PRKAR1A: variants seen among roughly 807,000 people sequenced by gnomAD.
The protein encoded by PRKAR1A is cAMP-dependent protein kinase type I-alpha regulatory subunit.
In PRKAR1A, 3 loss-of-function variants were observed where a neutral mutation model predicts 52.0. The ratio of observed to expected loss-of-function variants is 0.06; its 90% confidence interval spans 0.03 to 0.15. PRKAR1A has a LOEUF of 0.15. PRKAR1A is among the 10% of genes least tolerant of loss of function. PRKAR1A has a pLI of 1.00. For synonymous variants in PRKAR1A, 188 were observed against 168.4 expected (o/e 1.12, Z -0.90); for missense variants, 240 against 477.4 (o/e 0.50, Z 4.63).
chr17:68,432,290 C>T, the PRKAR1A span, among the ~76,000 whole-genome samples: 44,069 of 152,014 alleles, frequency 0.29, 6,750 homozygotes, highest in Middle Eastern at 0.36. Flanking sequence ...GCTCAGGTGA[C>T]CTCAGGCAGC....
At chr17:68,544,625 C>CA (rs2086464037) in intron 11 of PRKAR1A, among the ~76,000 whole-genome samples, 1 of 152,038 alleles carries the variant, frequency 6.6e-6, no homozygotes, top group Admixed American at 6.5e-5. Context: ...TGCATTTTGC[C>CA]AAAAAACACG....
chr17:68,420,234 A>G, the PRKAR1A span: 2 of 1,614,182 alleles, frequency 1.2e-6, no homozygotes, highest in East Asian at 2.2e-5. Flanking sequence ...GAGCTGCAGC[A>G]TAAGTTTCCT....
the PRKAR1A span, among the ~76,000 whole-genome samples, chr17:68,435,918 C>T: frequency 2.6e-5 from 4 of 152,252 alleles, no homozygotes; most frequent in Non-Finnish European, 4.4e-5. Flanking sequence ...ATTTCCATCC[C>T]TTTTCCTGCC....
chr17:68,526,926 C>CA (rs1033967532), intron 7 of PRKAR1A, among the ~76,000 whole-genome samples: 6 of 152,082 alleles, frequency 3.9e-5, no homozygotes, highest in African/African-American at 1.2e-4. Context: ...CCCACACACA[C>CA]AAAAAAACGC....
At chr17:68,457,367 A>T in the PRKAR1A span, 1 of 1,542,470 alleles carries the variant, frequency 6.5e-7, no homozygotes, top group Non-Finnish European at 8.7e-7. Context: ...AAAGAGAAGC[A>T]GCTGAGCGCC....
In PRKAR1A at chr17:68,524,937, G is replaced by A. The variant is rs752927621; in HGVS notation, c.528G>A (p.Val176=). ...GTGATGAAGGGGATAACTTCTATGT[G>A]ATTGATCAAGGAGAGACGGATGTAA... ...QQGDEGDNFY[V]IDQGETDVYV... is the part of the protein sequence containing the mutation. The change falls in exon 6 of 11, where the codon GTG becomes GTA. Residue 176 remains valine (V), a synonymous_variant. Transcript: ENST00000589228. 6.2e-7 allele frequency: 1 copy of A among 1,610,152 alleles called. No homozygotes were observed. The highest frequency in any genetic ancestry group is 2.2e-5 in the East Asian group (1 of 44,814).
At chr17:68,424,384 G>A in the PRKAR1A span, 2 of 525,794 alleles carry the variant, frequency 3.8e-6, no homozygotes, top group Non-Finnish European at 7.8e-6. Context: ...TAAGCCAAAT[G>A]TGCTCACTAG....
intron 1 of PRKAR1A, among the ~76,000 whole-genome samples, chr17:68,513,781 G>A (rs1157954843): frequency 1.3e-5 from 2 of 152,100 alleles, no homozygotes; most frequent in Non-Finnish European, 2.9e-5. Flanking sequence ...TTTGGTTTTC[G>A]TAATACATTA....
chr17:68,525,634 T>C (rs1470811061), intron 6 of PRKAR1A, 120 bp from the exon 7 acceptor site: 7 of 1,099,132 alleles, frequency 6.4e-6, no homozygotes, highest in African/African-American at 1.6e-5. Flanking sequence ...GCAAACATAA[T>C]ATATTCTGTT....
At chr17:68,510,757 A>T (rs1252251347), upstream of PRKAR1A, among the ~76,000 whole-genome samples, 1 of 152,202 alleles carries the variant, frequency 6.6e-6, no homozygotes, top group Non-Finnish European at 1.5e-5. Flanking sequence ...CAGTGAAAGG[A>T]GAAACTTCCC....
the PRKAR1A span, among the ~76,000 whole-genome samples, chr17:68,433,027 C>A: frequency 6.6e-6 from 1 of 152,168 alleles, no homozygotes; most frequent in Non-Finnish European, 1.5e-5. Context: ...GCTTCCCAAG[C>A]GCTCAGTGGT....
At chr17:68,488,457 G>A in the PRKAR1A span, among the ~76,000 whole-genome samples, 1 of 152,100 alleles carries the variant, frequency 6.6e-6, no homozygotes, top group Non-Finnish European at 1.5e-5. Flanking sequence ...GCTGGGTGCA[G>A]TGGCTCATGC....
At chr17:68,550,350 CA>C (rs1160409727) in intron 11 of PRKAR1A, among the ~76,000 whole-genome samples, 13 of 131,496 alleles carry the variant, frequency 9.9e-5, no homozygotes, top group African/African-American at 3.6e-4. Flanking sequence ...GGATCTTTCA[CA>C]TAGGAAAAAT....
the PRKAR1A span, chr17:68,450,712 G>A: frequency 6.3e-7 from 1 of 1,599,488 alleles, no homozygotes; most frequent in Non-Finnish European, 8.5e-7. Flanking sequence ...AAACCCTGAG[G>A]GATTTCCCCA....
the PRKAR1A span, among the ~76,000 whole-genome samples, chr17:68,470,375 C>T: frequency 1.3e-5 from 2 of 152,152 alleles, no homozygotes; most frequent in Non-Finnish European, 2.9e-5. Flanking sequence ...CCACCGTGCC[C>T]GGCCCATCTT....
chr17:68,429,112 T>C, the PRKAR1A span, among the ~76,000 whole-genome samples: 11 of 152,248 alleles, frequency 7.2e-5, no homozygotes, highest in Admixed American at 4.6e-4. Flanking sequence ...CCTTGGGATC[T>C]ACTTTCAGGA....
rs1054486568 is a variant in PRKAR1A, at chr17:68,532,378, T to G, written c.*1929T>G. The G allele has an allele frequency of 2.8e-5, 30 of 1,056,574 alleles. No individual in the cohort carries two copies. In the African/African-American group the frequency reaches 3.6e-4, roughly 13 times the overall value. 65.4% of individuals were successfully genotyped at this position (1,056,574 alleles called of 1,614,324 possible). On this transcript the variant is annotated 3_prime_UTR_variant, in exon 11 of 11. Coordinates refer to ENST00000589228, the MANE Select transcript of PRKAR1A (RefSeq NM_002734.5). ...TTACGTATAATGCTTTCTGAGTGAG[T>G]TTTACTCTTAAATCATTTGGTTAAA...
the PRKAR1A span, among the ~76,000 whole-genome samples, chr17:68,425,388 T>C: frequency 3.3e-5 from 5 of 149,874 alleles, no homozygotes; most frequent in East Asian, 1.9e-4. Flanking sequence ...TTTTCTTTTT[T>C]TTTTTTTTTT....
At chr17:68,420,110 A>C in the PRKAR1A span, 31 of 1,498,912 alleles carry the variant, frequency 2.1e-5, no homozygotes, top group Non-Finnish European at 2.7e-5. Flanking sequence ...ATTAATGTAG[A>C]ATCACTCGCA....
Sources: gnomAD v4.1 joint callset for allele counts (sites outside exome capture counted in the v4.1 genomes callset) on GRCh38, gnomAD v4.1.1 for gene constraint, MANE v1.5 for transcripts, NCBI Gene and HGNC (gene_info 2026-07-23, HGNC 2026-07-21) for gene names.